The following SMARCA2 variants were observed in gnomAD, a reference collection of about 807,000 sequenced individuals.
SMARCA2 encodes the protein SWI/SNF-related matrix-associated actin-dependent regulator of chromatin subfamily A member 2.
Under a neutral mutation model 199.8 loss-of-function variants are expected in SMARCA2, and 61 were observed. The ratio of observed to expected loss-of-function variants is 0.31; its 90% confidence interval spans 0.25 to 0.38. SMARCA2 has a LOEUF of 0.38. SMARCA2 is among the 10% of genes least tolerant of loss of function. The pLI, the probability that SMARCA2 is intolerant of heterozygous loss-of-function variation, is 1.00. For missense variants in SMARCA2, 1,344 were observed against 2,012.2 expected, an observed-to-expected ratio of 0.67 and a Z score of 6.35; for synonymous variants, 935 against 732.0, an observed-to-expected ratio of 1.28 and a Z score of -4.48.
chr9:2,143,992 A>G (rs1824592531), intron 27 of SMARCA2, among the ~76,000 whole-genome samples: 1 of 152,042 alleles, frequency 6.6e-6, no homozygotes, highest in Admixed American at 6.6e-5. Flanking sequence ...AGCACGGGGA[A>G]CTCACAGGAG....
intron 27 of SMARCA2, among the ~76,000 whole-genome samples, chr9:2,130,099 C>A (rs1444673196): frequency 6.6e-6 from 1 of 152,230 alleles, no homozygotes; most frequent in African/African-American, 2.4e-5. Context: ...AGTGATCCAC[C>A]TGCTTCCGTC....
At chr9:2,181,961 C>T (rs1207962757) in intron 30 of SMARCA2, among the ~76,000 whole-genome samples, 180 bp from the exon 31 acceptor site, 4 of 152,178 alleles carry the variant, frequency 2.6e-5, no homozygotes, top group Non-Finnish European at 5.9e-5. Flanking sequence ...AAAGGAATGA[C>T]AGTGGGAGTG....
At chr9:2,112,216 TCTC>T (rs1823037557) in intron 24 of SMARCA2, among the ~76,000 whole-genome samples, 1 of 152,176 alleles carries the variant, frequency 6.6e-6, no homozygotes, top group African/African-American at 2.4e-5. Flanking sequence ...ATGTGACTCC[TCTC>T]CTCCTGGTGT....
intron 27 of SMARCA2, among the ~76,000 whole-genome samples, chr9:2,133,769 G>T (rs1824068622): frequency 6.6e-6 from 1 of 152,116 alleles, no homozygotes; most frequent in Non-Finnish European, 1.5e-5. Context: ...GACAGGGCAG[G>T]GTGGCCTCAT....
intron 4 of SMARCA2, among the ~76,000 whole-genome samples, chr9:2,046,515 G>T (rs1288059765): frequency 2.0e-5 from 3 of 152,298 alleles, no homozygotes; most frequent in African/African-American, 7.2e-5. Context: ...AAAAATTTAA[G>T]TTCCCAGACT....
chr9:2,129,707 G>A (rs1046243210), intron 27 of SMARCA2, among the ~76,000 whole-genome samples: 1 of 152,192 alleles, frequency 6.6e-6, no homozygotes, highest in Non-Finnish European at 1.5e-5. Flanking sequence ...CTGTAGTCAT[G>A]TGGTTGGTCT....
At chr9:2,139,648 A>T (rs185387655) in intron 27 of SMARCA2, among the ~76,000 whole-genome samples, 1 of 125,680 alleles carries the variant, frequency 8.0e-6, no homozygotes, top group Non-Finnish European at 1.6e-5. Flanking sequence ...ACTACCCCCA[A>T]TATAGTCGCT....
intron 27 of SMARCA2, among the ~76,000 whole-genome samples, chr9:2,144,676 C>A (rs765876722): frequency 7.9e-5 from 12 of 152,134 alleles, no homozygotes; most frequent in South Asian, 2.1e-4. Flanking sequence ...AAAAGAGCCC[C>A]GTCTCCAGGA....
In SMARCA2 at chr9:2,039,414, C is replaced by T. The variant is rs575410764; in HGVS notation, c.356-52C>T. ...TATTAGAGTATTCAGGGATATCTCTCTTTCAGGGTTGTCAGGGGCAGCCTG... is the reference window on the plus strand; with the variant it reads ...TATTAGAGTATTCAGGGATATCTCTTTTTCAGGGTTGTCAGGGGCAGCCTG... On this transcript the variant is annotated intron_variant, in intron 3 of 33. Coordinates refer to ENST00000349721, the MANE Select transcript of SMARCA2 (RefSeq NM_003070.5). This position sits in a 1 kb window ranked among gnomAD's most constrained non-coding sequence, Gnocchi z 4.8. 2 of 1,565,218 alleles carry T rather than the reference C, an allele frequency of 1.3e-6. No individual in the cohort carries two copies. The highest frequency in any genetic ancestry group is 2.3e-5 in the East Asian group (1 of 44,428).
At chr9:2,188,791 G>C (rs1051796748) in intron 32 of SMARCA2, among the ~76,000 whole-genome samples, 2 of 152,194 alleles carry the variant, frequency 1.3e-5, no homozygotes, top group African/African-American at 4.8e-5. Context: ...GGATGCTCTA[G>C]ATAGGAATCC....
chr9:2,174,213 C>T (rs1826411076), intron 29 of SMARCA2, among the ~76,000 whole-genome samples: 1 of 152,062 alleles, frequency 6.6e-6, no homozygotes, highest in Non-Finnish European at 1.5e-5. Flanking sequence ...CATAAAGGAC[C>T]CCTCTCTGAA....
At chr9:2,174,895 A>C (rs1016335090) in intron 29 of SMARCA2, among the ~76,000 whole-genome samples, 1 of 139,048 alleles carries the variant, frequency 7.2e-6, no homozygotes, top group Non-Finnish European at 1.5e-5. Flanking sequence ...ACTGCAGTCC[A>C]GCCTGGGGGA....
At chr9:2,096,313 G>T (rs1373505627) in intron 19 of SMARCA2, among the ~76,000 whole-genome samples, 1 of 152,222 alleles carries the variant, frequency 6.6e-6, no homozygotes, top group Middle Eastern at 3.2e-3. Context: ...ATTGGGAAGT[G>T]AAGGAAATGC....
chr9:2,079,689 C>G (rs1367832703), intron 14 of SMARCA2, among the ~76,000 whole-genome samples: 2 of 152,212 alleles, frequency 1.3e-5, no homozygotes. Flanking sequence ...TCTCCAAAGA[C>G]CATGTCATAG....
At chr9:2,147,241 CAA>C (rs5895958) in intron 27 of SMARCA2, among the ~76,000 whole-genome samples, 7,040 of 106,504 alleles carry the variant, frequency 0.066, 175 homozygotes, top group African/African-American at 0.11. Context: ...ACTGAGTGAC[CAA>C]AAAAAAAAAA....
chr9:2,128,990 G>GC (rs940791850), intron 27 of SMARCA2, among the ~76,000 whole-genome samples: 10 of 152,170 alleles, frequency 6.6e-5, no homozygotes, highest in African/African-American at 2.2e-4. Flanking sequence ...GGGTCCCGAG[G>GC]CCCCCCACAC....
rs887146018 is a variant in SMARCA2 at position 2,115,282 on chromosome 9, G to A, written c.3457-540G>A. 3.3e-5 allele frequency among the ~76,000 whole-genome samples: 5 copies of A among 152,146 alleles called. No individual in the cohort carries two copies. The East Asian group carries it at 9.6e-4, about 29-fold the overall frequency. ...CTTTTGATTTCCCAGATTGAAGACC[G>A]AGTCTTTGATAAGGTTAGGTTCGAG... On this transcript the variant is annotated intron_variant, in intron 24 of 33. Transcript: ENST00000349721. The surrounding 1 kb of genome is among the most constrained non-coding windows in gnomAD (Gnocchi z 6.0).
At chr9:2,059,389 G>A (rs140585138) in intron 8 of SMARCA2, among the ~76,000 whole-genome samples, 3 of 152,196 alleles carry the variant, frequency 2.0e-5, no homozygotes, top group Admixed American at 6.5e-5. Flanking sequence ...CTGTGTGCAG[G>A]TACTACTACA....
intron 27 of SMARCA2, among the ~76,000 whole-genome samples, chr9:2,131,398 C>G (rs1275811775): frequency 6.6e-6 from 1 of 152,104 alleles, no homozygotes; most frequent in Non-Finnish European, 1.5e-5. Context: ...TTTGTGATGT[C>G]CTGTGCAGTT....
Sources: gnomAD v4.1 joint callset for allele counts (sites outside exome capture counted in the v4.1 genomes callset) on GRCh38, gnomAD v4.1.1 for gene constraint, Gnocchi (gnomAD v3.1) non-coding constraint, MANE v1.5 for transcripts, NCBI Gene and HGNC (gene_info 2026-07-23, HGNC 2026-07-21) for gene names.